Variants in PARD3B observed in about 807,000 individuals in gnomAD.
PARD3B encodes partitioning defective 3 homolog B.
PARD3B carries 103 observed loss-of-function variants against 130.2 expected under a neutral mutation model. The observed-to-expected ratio is 0.79, with a 90% CI of 0.67 to 0.93. The LOEUF (loss-of-function observed/expected upper bound fraction) is 0.93, where lower values mean the gene tolerates loss of function less well. Among genes scored for constraint, PARD3B ranks in the 40% least tolerant of loss-of-function variants. The probability of loss-of-function intolerance (pLI) is 0.00; values close to 1 mark genes in which losing one functional copy is unlikely to be tolerated. For missense variants in PARD3B, 1,609 were observed against 1,499.2 expected (o/e 1.07, Z -1.21); for synonymous variants, 583 against 553.2 (o/e 1.05, Z -0.76).
intron 19 of PARD3B, among the ~76,000 whole-genome samples, chr2:205,404,763 C>T (rs1215709033): frequency 3.9e-5 from 6 of 152,150 alleles, no homozygotes; most frequent in Non-Finnish European, 8.8e-5. Context: ...GATCCTCCTG[C>T]CTCAGCCTCC....
At chr2:204,966,636 A>G (rs1691276550) in intron 3 of PARD3B, among the ~76,000 whole-genome samples, 1 of 152,146 alleles carries the variant, frequency 6.6e-6, no homozygotes, top group African/African-American at 2.4e-5. Flanking sequence ...GTGCCGGAGA[A>G]TTTGTTTTCA....
chr2:204,783,308 G>A (rs533630257), intron 2 of PARD3B, among the ~76,000 whole-genome samples: 1 of 152,202 alleles, frequency 6.6e-6, no homozygotes, highest in African/African-American at 2.4e-5. Context: ...CTGACTTGTA[G>A]ACAGCAGTCA....
At chr2:204,952,725 G>T (rs879396012) in intron 2 of PARD3B, among the ~76,000 whole-genome samples, 1 of 152,052 alleles carries the variant, frequency 6.6e-6, no homozygotes, top group Non-Finnish European at 1.5e-5. Context: ...ACGGTCAGGC[G>T]CGGTGGCTCA....
rs764612786 is a variant in PARD3B, at chr2:204,965,234, A to T, written c.305A>T (p.Asp102Val). Residue 102 changes from aspartate (D) to valine (V), a missense_variant, in exon 3 of 23, where the codon GAT becomes GTT. Transcript: ENST00000406610. ...SGNPADRQSP[D>V]AFETEVAAQL... ...AACCCTGCAGATCGGCAGAGCCCAG[A>T]TGCTTTTGAGACAGAAGTGGCCGCC... The T allele has an allele frequency of 6.2e-6, 10 of 1,613,856 alleles. No homozygotes were observed. The highest frequency in any genetic ancestry group is 8.5e-6 in the Non-Finnish European group (10 of 1,179,918).
chr2:205,090,284 G>T (rs1055432634), intron 4 of PARD3B, among the ~76,000 whole-genome samples: 1 of 152,168 alleles, frequency 6.6e-6, no homozygotes, highest in Non-Finnish European at 1.5e-5. Context: ...CCAAGGGAAG[G>T]TTTGATTAAA....
intron 1 of PARD3B, among the ~76,000 whole-genome samples, chr2:204,607,632 AGG>A (rs2033775369): frequency 1.3e-5 from 2 of 152,054 alleles, no homozygotes; most frequent in Non-Finnish European, 2.9e-5. Flanking sequence ...TTTAAAAAAA[AGG>A]ATTATACAGT....
intron 10 of PARD3B, among the ~76,000 whole-genome samples, chr2:205,153,201 G>A (rs1053688365): frequency 6.6e-6 from 1 of 152,164 alleles, no homozygotes; most frequent in Non-Finnish European, 1.5e-5. Context: ...AGCCCCTACT[G>A]GGAGGTGTCT....
intron 10 of PARD3B, among the ~76,000 whole-genome samples, chr2:205,131,932 C>T (rs2032039619): frequency 6.6e-6 from 1 of 152,080 alleles, no homozygotes; most frequent in African/African-American, 2.4e-5. Context: ...ATCCGTCACA[C>T]CTGGGTTGAG....
intron 1 of PARD3B, among the ~76,000 whole-genome samples, chr2:204,568,585 C>G (rs1042570011): frequency 6.6e-6 from 1 of 152,114 alleles, no homozygotes; most frequent in Non-Finnish European, 1.5e-5. Context: ...AATTACAACA[C>G]TTATTTAAAA....
In PARD3B at chr2:205,172,271, A is replaced by G; in HGVS notation, c.1681A>G (p.Lys561Glu). 1.9e-6 allele frequency: 3 copies of G among 1,614,164 alleles called. No individual in the cohort carries two copies. In the African/African-American group the frequency reaches 4.0e-5, roughly 22 times the overall value. The change falls in exon 12 of 23, where the codon AAG becomes GAG. Residue 561 changes from lysine (K) to glutamate (E), a missense_variant. Lys to Glu is a moderately conservative substitution (Grantham distance 56). Transcript: ENST00000406610. ...AGTTAATGGGGAATCTCTTTTGGGAAAGTCCAACCACGAAGCTATGGAAAC... is the reference window on the plus strand; with the variant it reads ...AGTTAATGGGGAATCTCTTTTGGGAGAGTCCAACCACGAAGCTATGGAAAC... Reference protein sequence around the residue: ...IAVNGESLLGKSNHEAMETLR... With the variant: ...IAVNGESLLGESNHEAMETLR...
rs11682368 is a variant in PARD3B, at chr2:205,186,483, A to G, written c.2024+620A>G. The stretch of plus-strand genomic sequence containing the variant: ...TCTGATGAGTTTTAAAAATCATTAA[A>G]TTGTCCCTTTGCTATTTTCTATATT... On this transcript the variant is annotated intron_variant, in intron 14 of 22. Transcript: ENST00000406610. Among the ~76,000 whole-genome samples the G allele has an allele frequency of 4.9e-3, 743 of 152,240 alleles. 1 individual carries two copies. The highest frequency in any genetic ancestry group is 7.6e-3 in the Non-Finnish European group (516 of 67,984).
At chr2:205,084,459 G>C (rs185333936) in intron 4 of PARD3B, among the ~76,000 whole-genome samples, 433 of 151,928 alleles carry the variant, frequency 2.9e-3, no homozygotes, top group African/African-American at 8.1e-3. Flanking sequence ...TGCTGCACAG[G>C]GTTCAGATGA....
chr2:205,242,983 A>G (rs183614902), intron 15 of PARD3B, among the ~76,000 whole-genome samples: 2,314 of 152,232 alleles, frequency 0.015, 30 homozygotes, highest in Non-Finnish European at 0.022. Flanking sequence ...CCTGACCAAC[A>G]TGGAGAAACC....
chr2:204,565,426 A>G (rs943280529), intron 1 of PARD3B, among the ~76,000 whole-genome samples: 1 of 152,206 alleles, frequency 6.6e-6, no homozygotes, highest in Non-Finnish European at 1.5e-5. Context: ...CTGATCTTGT[A>G]TTCCTGTGTG....
chr2:205,075,054 TAATA>T (rs937609076), intron 4 of PARD3B, among the ~76,000 whole-genome samples: 2 of 152,194 alleles, frequency 1.3e-5, no homozygotes, highest in Non-Finnish European at 2.9e-5. Context: ...TCAAACTCAT[TAATA>T]AATAATGTTT....
intron 2 of PARD3B, among the ~76,000 whole-genome samples, chr2:204,771,659 GA>G (rs1391838073): frequency 6.6e-6 from 1 of 151,802 alleles, no homozygotes; most frequent in Non-Finnish European, 1.5e-5. Flanking sequence ...TATACCCCCT[GA>G]ATCTAAAATA....
At chr2:205,068,481 A>C (rs1700525681) in intron 4 of PARD3B, among the ~76,000 whole-genome samples, 1 of 151,944 alleles carries the variant, frequency 6.6e-6, no homozygotes, top group African/African-American at 2.4e-5. Context: ...GATTTAGTTA[A>C]TACCCTCTAT....
intron 18 of PARD3B, among the ~76,000 whole-genome samples, chr2:205,363,478 A>G (rs1296110320): frequency 6.6e-6 from 1 of 152,228 alleles, no homozygotes; most frequent in African/African-American, 2.4e-5. Flanking sequence ...AGTGCCCAGC[A>G]CAGAGTAAAT....
intron 20 of PARD3B, among the ~76,000 whole-genome samples, chr2:205,480,843 A>T (rs1021787602): frequency 2.0e-5 from 3 of 152,206 alleles, no homozygotes. Flanking sequence ...CTAACCAGGT[A>T]GAGATTGTCT....
Sources: gnomAD v4.1 joint callset for allele counts (sites outside exome capture counted in the v4.1 genomes callset) on GRCh38, gnomAD v4.1.1 for gene constraint, MANE v1.5 for transcripts, NCBI Gene and HGNC (gene_info 2026-07-23, HGNC 2026-07-21) for gene names.